Variants in GRM5 observed in about 807,000 individuals in gnomAD.
The protein encoded by GRM5 is glutamate metabotropic receptor 5.
GRM5 carries 19 observed loss-of-function variants against 83.1 expected under a neutral mutation model. The observed-to-expected ratio is 0.23, with a 90% CI of 0.16 to 0.34. The LOEUF (loss-of-function observed/expected upper bound fraction) is 0.34. Among genes scored for constraint, GRM5 ranks in the 10% least tolerant of loss-of-function variants. The pLI is 1.00. For synonymous variants in GRM5, 675 were observed against 633.6 expected (o/e 1.07, Z -0.98); for missense variants, 1,160 against 1,588.3 (o/e 0.73, Z 4.58).
intron 5 of GRM5, among the ~76,000 whole-genome samples, chr11:88,598,457 A>T (rs549741537): frequency 6.6e-6 from 1 of 152,166 alleles, no homozygotes; most frequent in South Asian, 2.1e-4. Flanking sequence ...TTTCTTCAGA[A>T]TATTACCTCA....
intron 2 of GRM5, among the ~76,000 whole-genome samples, chr11:88,902,150 T>G (rs1276736040): frequency 6.6e-6 from 1 of 152,080 alleles, no homozygotes; most frequent in African/African-American, 2.4e-5. Context: ...GAGAAAAGTT[T>G]TTTTGTTTTT....
intron 2 of GRM5, among the ~76,000 whole-genome samples, chr11:88,983,060 C>T (rs1170728612): frequency 6.6e-6 from 1 of 150,572 alleles, no homozygotes; most frequent in Non-Finnish European, 1.5e-5. Flanking sequence ...GAGCGAAACT[C>T]CGTCACACAC....
At chr11:88,867,091 C>A (rs1046961106) in intron 2 of GRM5, among the ~76,000 whole-genome samples, 2 of 152,086 alleles carry the variant, frequency 1.3e-5, no homozygotes, top group Non-Finnish European at 2.9e-5. Context: ...GAGTACCACG[C>A]TGTTTTGGTT....
chr11:88,695,531 C>A (rs1940881187), intron 3 of GRM5, among the ~76,000 whole-genome samples: 1 of 152,114 alleles, frequency 6.6e-6, no homozygotes, highest in Admixed American at 6.5e-5. Flanking sequence ...CTCTAGATCC[C>A]AAGTAATTTT....
intron 3 of GRM5, among the ~76,000 whole-genome samples, chr11:88,705,099 C>G (rs1941123916): frequency 6.6e-6 from 1 of 152,072 alleles, no homozygotes; most frequent in Admixed American, 6.6e-5. Context: ...ATAGGTAAGA[C>G]AGTTAACACA....
At chr11:88,824,517 C>A (rs756678140) in intron 3 of GRM5, among the ~76,000 whole-genome samples, 1 of 152,134 alleles carries the variant, frequency 6.6e-6, no homozygotes. Context: ...GACAGTGGGG[C>A]GGGGCAGGGG....
At chr11:88,865,291 C>T (rs1216667595) in intron 2 of GRM5, among the ~76,000 whole-genome samples, 4 of 152,056 alleles carry the variant, frequency 2.6e-5, no homozygotes, top group Admixed American at 6.6e-5. Flanking sequence ...ACAAACCTGA[C>T]AAAAACAAGC....
rs77064657 is a variant in GRM5, at chr11:88,792,431, G to T, written c.911+57475C>A. 6.9e-3 allele frequency among the ~76,000 whole-genome samples: 1,054 copies of T among 152,194 alleles called. 14 individuals are homozygous for T. Among genetic ancestry groups the T allele is most frequent in the African/African-American group, 0.024 (997 of 41,544 alleles). On this transcript the variant is annotated intron_variant, in intron 3 of 9. Coordinates refer to ENST00000305447, the MANE Select transcript of GRM5 (RefSeq NM_001143831.3). ...AAAGCTAAACATATGTGGTAATGTG[G>T]TGACCAAGAAAACTACTCTTTTTAT...
At chr11:88,552,232 A>G (rs2135148535) in intron 8 of GRM5, among the ~76,000 whole-genome samples, 1 of 152,028 alleles carries the variant, frequency 6.6e-6, no homozygotes, top group East Asian at 1.9e-4. Flanking sequence ...TTGCTATGTC[A>G]TCCAGGCTGG....
intron 2 of GRM5, among the ~76,000 whole-genome samples, chr11:88,991,031 G>T (rs1435600657): frequency 6.6e-6 from 1 of 152,088 alleles, no homozygotes; most frequent in East Asian, 1.9e-4. Flanking sequence ...GGCAGGAGAA[G>T]GAAATAAAGG....
At chr11:88,774,818 T>C (rs1023366444) in intron 3 of GRM5, among the ~76,000 whole-genome samples, 3 of 152,166 alleles carry the variant, frequency 2.0e-5, no homozygotes, top group African/African-American at 7.2e-5. Context: ...GTGGATAAGC[T>C]TTTTGATGTG....
intron 1 of GRM5, among the ~76,000 whole-genome samples, chr11:89,052,446 T>C (rs1420264003): frequency 6.6e-6 from 1 of 152,186 alleles, no homozygotes; most frequent in East Asian, 1.9e-4. Flanking sequence ...TTAGGTACTT[T>C]ATTTTTAAAG....
intron 1 of GRM5, among the ~76,000 whole-genome samples, chr11:89,050,788 G>T (rs1224273521): frequency 6.6e-6 from 1 of 152,158 alleles, no homozygotes; most frequent in East Asian, 1.9e-4. Context: ...TAAAAAATGA[G>T]ATCATGTTTT....
intron 2 of GRM5, among the ~76,000 whole-genome samples, chr11:88,873,150 A>G (rs1285221000): frequency 6.6e-6 from 1 of 151,718 alleles, no homozygotes; most frequent in Non-Finnish European, 1.5e-5. Flanking sequence ...CAATAGAGCA[A>G]CAGGATATAA....
intron 9 of GRM5, among the ~76,000 whole-genome samples, chr11:88,521,338 A>C (rs760128333): frequency 3.3e-5 from 5 of 152,072 alleles, no homozygotes; most frequent in Admixed American, 2.0e-4. Context: ...AATCGCTTGA[A>C]CCTGGGAGGC....
At chr11:88,938,783 T>C (rs973662132) in intron 2 of GRM5, among the ~76,000 whole-genome samples, 7 of 151,710 alleles carry the variant, frequency 4.6e-5, no homozygotes, top group African/African-American at 1.7e-4. Context: ...TAAAATTGGA[T>C]TATGTTTTTA....
intron 4 of GRM5, among the ~76,000 whole-genome samples, chr11:88,644,315 C>A (rs1467410053): frequency 6.6e-6 from 1 of 152,118 alleles, no homozygotes; most frequent in Non-Finnish European, 1.5e-5. Context: ...GTCCTAGGTC[C>A]TCTAGCTTTT....
At chr11:88,680,545 G>A (rs1940452934) in intron 3 of GRM5, among the ~76,000 whole-genome samples, 1 of 152,150 alleles carries the variant, frequency 6.6e-6, no homozygotes, top group Non-Finnish European at 1.5e-5. Context: ...CTGTAAACTA[G>A]TTCAACCATT....
chr11:88,705,147 GACTC>G (rs1336668908), intron 3 of GRM5, among the ~76,000 whole-genome samples: 2 of 152,036 alleles, frequency 1.3e-5, no homozygotes, highest in African/African-American at 4.8e-5. Flanking sequence ...GAATATCTGA[GACTC>G]ACTTTCTACT....
Sources: allele counts gnomAD v4.1 joint callset (sites outside exome capture counted in the v4.1 genomes callset), GRCh38; gene constraint gnomAD v4.1.1; transcripts MANE v1.5; gene names NCBI Gene and HGNC (gene_info 2026-07-23, HGNC 2026-07-21).